The following PLEKHA7 variants were observed in gnomAD, a reference collection of about 807,000 sequenced individuals.
PLEKHA7 encodes pleckstrin homology domain-containing family A member 7.
PLEKHA7 carries 104 observed loss-of-function variants against 170.0 expected under a neutral mutation model. The ratio of observed to expected loss-of-function variants is 0.61; its 90% CI spans 0.52 to 0.72. The LOEUF is 0.72. Among genes scored for constraint, PLEKHA7 ranks in the 30% least tolerant of loss-of-function variants. The pLI is 0.00. For synonymous variants in PLEKHA7, 648 were observed against 660.8 expected (o/e 0.98, Z 0.30); for missense variants, 1,615 against 1,671.7 (o/e 0.97, Z 0.59).
chr11:16,936,560 T>C (rs1002803155), intron 3 of PLEKHA7, among the ~76,000 whole-genome samples: 2 of 152,208 alleles, frequency 1.3e-5, no homozygotes, highest in Non-Finnish European at 2.9e-5. Context: ...CTCCCAATCA[T>C]TGGGCAAATC....
chr11:16,931,109 A>T (rs977010273), intron 3 of PLEKHA7, among the ~76,000 whole-genome samples: 1 of 152,222 alleles, frequency 6.6e-6, no homozygotes, highest in African/African-American at 2.4e-5. Flanking sequence ...TTGATTTTTT[A>T]AAATCAAAGA....
At chr11:16,946,985 G>A (rs1861070096) in intron 3 of PLEKHA7, among the ~76,000 whole-genome samples, 1 of 152,074 alleles carries the variant, frequency 6.6e-6, no homozygotes, top group South Asian at 2.1e-4. Context: ...GGGTCATCTG[G>A]GCTGCTGGTT....
At chr11:16,820,963 G>T (rs915527270) in intron 10 of PLEKHA7, among the ~76,000 whole-genome samples, 6 of 152,154 alleles carry the variant, frequency 3.9e-5, no homozygotes, top group Non-Finnish European at 8.8e-5. Flanking sequence ...CCCCATGCGA[G>T]CAAGTGGGTG....
At position 16,790,929 on chromosome 11, in the gene PLEKHA7, C is replaced by T. The variant is rs1847799924; in HGVS notation, c.2935-14G>A. ...CCGCAGCTCCACCTGTGGGCAGAGT[C>T]CCAGGTGATGTGACCTGCCAGTGTC... On this transcript the variant is annotated splice_polypyrimidine_tract_variant and intron_variant, in intron 20 of 26. Transcript: ENST00000531066. 2 of 1,613,770 alleles carry T rather than the reference C, an allele frequency of 1.2e-6. No individual in the cohort carries two copies. The highest frequency in any genetic ancestry group is 4.5e-5 in the East Asian group (2 of 44,852).
intron 3 of PLEKHA7, among the ~76,000 whole-genome samples, chr11:16,904,133 C>A (rs1413714700): frequency 6.6e-6 from 1 of 152,214 alleles, no homozygotes; most frequent in African/African-American, 2.4e-5. Flanking sequence ...GACAGGCCTT[C>A]ATTGGCTTAA....
At chr11:16,779,082 C>T (rs1848831474) in intron 26 of PLEKHA7, 62 bp from the exon 27 acceptor site, 1 of 701,934 alleles carries the variant, frequency 1.4e-6, no homozygotes, top group Non-Finnish European at 2.6e-6. Flanking sequence ...CGTCTGCACA[C>T]ACATGATGGA....
rs142625576 is a variant in PLEKHA7, at chr11:16,849,024, C to T, written c.696+2167G>A. 5.7e-3 allele frequency among the ~76,000 whole-genome samples: 861 copies of T among 152,306 alleles called. 2 individuals are homozygous for T. The highest frequency in any genetic ancestry group is 0.013 in the East Asian group (69 of 5,180). On this transcript the variant is annotated intron_variant, in intron 8 of 26. Coordinates refer to ENST00000531066, the MANE Select transcript of PLEKHA7 (RefSeq NM_001329630.2). ...TGAAAAGATAACTCTTTCAGACTCA[C>T]GGAACCATTGCCCTTTCTGGAGAAC...
chr11:16,954,012 C>A (rs1280530639), intron 3 of PLEKHA7, among the ~76,000 whole-genome samples: 1 of 152,110 alleles, frequency 6.6e-6, no homozygotes, highest in Non-Finnish European at 1.5e-5. Context: ...ACACAGGAAG[C>A]TACAATTAGT....
intron 3 of PLEKHA7, among the ~76,000 whole-genome samples, chr11:17,011,809 A>G (rs1208009784): frequency 2.0e-5 from 3 of 152,140 alleles, no homozygotes; most frequent in Admixed American, 6.5e-5. Context: ...ACACTATCTG[A>G]CATACTCATA....
rs766078324 is a variant in PLEKHA7, at chr11:17,014,282, C to G, written c.86+34G>C. 15 of 1,416,332 alleles carry G rather than the reference C, an allele frequency of 1.1e-5. No homozygotes were observed. In the East Asian group the frequency reaches 4.1e-4, roughly 38 times the overall value. 87.7% of individuals were successfully genotyped at this position (1,416,332 alleles called of 1,614,324 possible). ...CGGCCCCCGCCCCCGCGCCCCCACCCGCGTCCCCGCGTCCCCGGGTCCTCG... is the reference window on the plus strand; with the variant it reads ...CGGCCCCCGCCCCCGCGCCCCCACCGGCGTCCCCGCGTCCCCGGGTCCTCG... On this transcript the variant is annotated intron_variant, in intron 1 of 26. Transcript: ENST00000531066.
intron 9 of PLEKHA7, 130 bp downstream of exon 9, chr11:16,841,417 A>C (rs547180760): frequency 1.9e-6 from 2 of 1,038,914 alleles, no homozygotes; most frequent in Admixed American, 2.7e-5. Context: ...TTTAATGAAG[A>C]AAGTTTATAA....
At chr11:16,847,032 A>C (rs1270395693) in intron 8 of PLEKHA7, among the ~76,000 whole-genome samples, 1 of 151,136 alleles carries the variant, frequency 6.6e-6, no homozygotes, top group African/African-American at 2.4e-5. Context: ...AGAGAACTGA[A>C]GGACAAGTAA....
intron 9 of PLEKHA7, among the ~76,000 whole-genome samples, chr11:16,838,471 C>T (rs1851692455): frequency 1.3e-5 from 2 of 149,312 alleles, no homozygotes; most frequent in Non-Finnish European, 1.5e-5. Context: ...TATGATCATA[C>T]CACTGCACTC....
chr11:16,933,392 C>A (rs916015330), intron 3 of PLEKHA7, among the ~76,000 whole-genome samples: 1 of 152,184 alleles, frequency 6.6e-6, no homozygotes, highest in African/African-American at 2.4e-5. Flanking sequence ...TGCAGCAGTA[C>A]AGGCAGGAGA....
chr11:16,826,614 G>A (rs765647229), intron 9 of PLEKHA7, 24 bp from the exon 10 acceptor site: 2 of 1,589,542 alleles, frequency 1.3e-6, no homozygotes, highest in South Asian at 1.1e-5. Context: ...AGCACATTCA[G>A]TTTGCTCCAC....
At chr11:16,987,962 A>C (rs1440333575) in intron 3 of PLEKHA7, among the ~76,000 whole-genome samples, 4 of 152,214 alleles carry the variant, frequency 2.6e-5, no homozygotes, top group Non-Finnish European at 4.4e-5. Context: ...GGTCACCACC[A>C]CTGGGTGAAG....
At chr11:16,899,412 G>A (rs1472486807) in intron 3 of PLEKHA7, among the ~76,000 whole-genome samples, 3 of 152,286 alleles carry the variant, frequency 2.0e-5, no homozygotes, top group East Asian at 1.9e-4. Context: ...AAGGAGAATC[G>A]CTTGAACCTG....
intron 3 of PLEKHA7, among the ~76,000 whole-genome samples, chr11:16,959,488 C>A (rs944382312): frequency 2.0e-5 from 3 of 152,126 alleles, no homozygotes; most frequent in African/African-American, 7.2e-5. Flanking sequence ...TGCCTACATG[C>A]TTGGATTATC....
intron 3 of PLEKHA7, among the ~76,000 whole-genome samples, chr11:16,968,507 T>C (rs1862511988): frequency 6.6e-6 from 1 of 152,222 alleles, no homozygotes; most frequent in South Asian, 2.1e-4. Context: ...GTTGTCCAAC[T>C]GTTTCTGCCA....
Sources: gnomAD v4.1 joint callset for allele counts (sites outside exome capture counted in the v4.1 genomes callset) on GRCh38, gnomAD v4.1.1 for gene constraint, MANE v1.5 for transcripts, NCBI Gene and HGNC (gene_info 2026-07-23, HGNC 2026-07-21) for gene names.